Variants in VPS36 observed in about 807,000 individuals in gnomAD.
VPS36 encodes vacuolar protein-sorting-associated protein 36.
A neutral mutation model predicts 63.5 loss-of-function variants in VPS36; 31 were observed. That is an observed-to-expected ratio of 0.49 (90% CI 0.37 to 0.66). The LOEUF is 0.66. VPS36 is among the 30% of genes least tolerant of loss of function. VPS36 has a pLI of 0.00. For synonymous variants in VPS36, 138 were observed against 157.2 expected, an observed-to-expected ratio of 0.88 and a Z score of 0.91; for missense variants, 338 against 463.7, an observed-to-expected ratio of 0.73 and a Z score of 2.49.
intron 9 of VPS36, among the ~76,000 whole-genome samples, chr13:52,424,045 G>A (rs891960657): frequency 1.3e-5 from 2 of 151,734 alleles, no homozygotes; most frequent in Admixed American, 1.3e-4. Context: ...TTTTTAGTAG[G>A]GACAGGGTTT....
intron 6 of VPS36, among the ~76,000 whole-genome samples, chr13:52,428,063 C>A (rs1467794600): frequency 6.6e-6 from 1 of 152,032 alleles, no homozygotes; most frequent in Non-Finnish European, 1.5e-5. Context: ...AGATAATCAG[C>A]CTCTGATTAT....
intron 1 of VPS36, among the ~76,000 whole-genome samples, chr13:52,442,982 C>T (rs61959667): frequency 0.04 from 6,037 of 152,240 alleles, 138 homozygotes; most frequent in South Asian, 0.07. Context: ...CAATTGAATT[C>T]ATGTATAACA....
chr13:52,443,423 T>C (rs1436420409), intron 1 of VPS36, among the ~76,000 whole-genome samples: 2 of 152,004 alleles, frequency 1.3e-5, no homozygotes, highest in Non-Finnish European at 2.9e-5. Flanking sequence ...GGGACTAGTA[T>C]CCCTATAAGA....
At chr13:52,429,594 G>C (rs1482299502) in intron 6 of VPS36, among the ~76,000 whole-genome samples, 1 of 152,098 alleles carries the variant, frequency 6.6e-6, no homozygotes, top group African/African-American at 2.4e-5. Context: ...ACAAAGTAGG[G>C]AGGAATATCT....
intron 6 of VPS36, chr13:52,429,347 C>T (rs1273983025): frequency 1.0e-5 from 10 of 954,948 alleles, no homozygotes; most frequent in Admixed American, 6.2e-5. Flanking sequence ...CTGGGTTCTT[C>T]TTATCCATGC....
chr13:52,427,344 G>A, intron 6 of VPS36, 125 bp from the exon 7 acceptor site: 1 of 926,014 alleles, frequency 1.1e-6, no homozygotes, highest in Non-Finnish European at 1.7e-6. Flanking sequence ...AGTGGCTCAC[G>A]CCTATAATCC....
At chr13:52,435,633 T>C (rs528737450) in intron 4 of VPS36, among the ~76,000 whole-genome samples, 1 of 152,356 alleles carries the variant, frequency 6.6e-6, no homozygotes, top group African/African-American at 2.4e-5. Context: ...AACATACCTA[T>C]GCTCACAAAT....
Position 52,415,941 on chromosome 13 carries a change from A to G in VPS36, c.1068-18T>C, listed in dbSNP as rs1403505517. The G allele has an allele frequency of 6.2e-7, 1 of 1,613,246 alleles. No individual in the cohort carries two copies. The highest frequency in any genetic ancestry group is 1.3e-5 in the African/African-American group (1 of 74,778). Reference sequence around the variant, plus strand: ...GCAGCAACCTAAAAAAAAACAACAAAAAAACCCCCACACAATTATCTGTTC... The same window carrying G: ...GCAGCAACCTAAAAAAAAACAACAAGAAAACCCCCACACAATTATCTGTTC... On this transcript the variant is annotated intron_variant, in intron 13 of 13. Transcript: ENST00000378060.
chr13:52,436,161 A>T lies in VPS36; in HGVS notation c.351+129T>A, dbSNP rs1486105890. ...ATATAATAAAAATTTTATTGTAAAA[A>T]TATGGTGAAATCTGGTATGTTGTAT... On this transcript the variant is annotated intron_variant, in intron 4 of 13. Transcript: ENST00000378060. The T allele has an allele frequency of 7.1e-6, 4 of 567,204 alleles. No individual in the cohort carries two copies. In the Admixed American group the frequency reaches 9.5e-5, roughly 13 times the overall value. The allele number at this position is 567,204 out of a possible 1,614,324, so 35.1% of individuals were successfully genotyped here.
At position 52,436,218 on chromosome 13, in the gene VPS36, A is replaced by AACACACACACACACACACAC. The variant is rs150816705; in HGVS notation, c.351+52_351+71dup. ...ACCTTCCATCATATTAACAAGCCAC[A>AACACACACACACACACACAC]ACACACACACACACACACACACACA... On this transcript the variant is annotated intron_variant, in intron 4 of 13. Coordinates refer to ENST00000378060, the MANE Select transcript of VPS36 (RefSeq NM_016075.4). 4.4e-4 allele frequency: 285 copies of AACACACACACACACACACAC among 644,004 alleles called. 3 individuals are homozygous for AACACACACACACACACACAC. The highest frequency in any genetic ancestry group is 3.7e-3 in the African/African-American group (203 of 54,582). The allele number at this position is 644,004 out of a possible 1,614,324, so 39.9% of individuals were successfully genotyped here.
At chr13:52,426,947 G>A (rs779248850) in intron 8 of VPS36, 42 bp downstream of exon 8, 7 of 1,392,470 alleles carry the variant, frequency 5.0e-6, no homozygotes, top group Non-Finnish European at 7.1e-6. Flanking sequence ...ACTGCATTGT[G>A]TTATCTAGTT....
Position 52,449,872 on chromosome 13 carries a change from GAAAAC to G in VPS36, c.96+622_96+626del, listed in dbSNP as rs1958383142. On this transcript the variant is annotated intron_variant, in intron 1 of 13. Coordinates refer to ENST00000378060, the MANE Select transcript of VPS36 (RefSeq NM_016075.4). ...TCAGAACGCCTTTCTAAAGCAATTA[GAAAAC>G]AAAACAAAAACCCAATAGCCTTTGG... The G allele has an allele frequency of 3.1e-6, 3 of 971,774 alleles. No homozygotes were observed. The South Asian group carries it at 1.4e-4, about 46-fold the overall frequency. 60.2% of individuals were successfully genotyped at this position (971,774 alleles called of 1,614,324 possible).
chr13:52,423,338 G>A (rs1043614456), intron 10 of VPS36, among the ~76,000 whole-genome samples: 1 of 152,086 alleles, frequency 6.6e-6, no homozygotes, highest in African/African-American at 2.4e-5. Flanking sequence ...AAAAGAGGAA[G>A]AAGGAAAACT....
chr13:52,439,469 G>A (rs866206634), intron 2 of VPS36, among the ~76,000 whole-genome samples: 21 of 151,260 alleles, frequency 1.4e-4, no homozygotes, highest in African/African-American at 3.9e-4. Context: ...TTTTTGAGGC[G>A]GAGTCTCACT....
At chr13:52,437,929 C>CA (rs369189627) in intron 3 of VPS36, among the ~76,000 whole-genome samples, 5,825 of 126,852 alleles carry the variant, frequency 0.046, 134 homozygotes, top group South Asian at 0.078. Context: ...GACGCTGCCT[C>CA]AAAAAAAAAA....
chr13:52,444,281 C>T (rs953254241), intron 1 of VPS36, among the ~76,000 whole-genome samples: 1 of 151,868 alleles, frequency 6.6e-6, no homozygotes, highest in African/African-American at 2.4e-5. Flanking sequence ...TATGGTGAAA[C>T]CCCGTCTCTA....
chr13:52,417,074 C>T lies in VPS36; in HGVS notation c.973G>A (p.Ala325Thr). 6.2e-7 allele frequency: 1 copy of T among 1,613,974 alleles called. No homozygotes were observed. Among genetic ancestry groups the T allele is most frequent in the African/African-American group, 1.3e-5 (1 of 75,018 alleles). The change falls in exon 12 of 14, where the codon GCC (alanine) becomes ACC (threonine). Residue 325 changes from alanine (A) to threonine (T), a missense_variant. Coordinates refer to ENST00000378060, the MANE Select transcript of VPS36 (RefSeq NM_016075.4). Reference sequence around the variant, plus strand: ...TCACATACTGTCTCCAGGGCCGAGGCCACCATTTCCTCTTCCTTGTGAGAC... The same window carrying T: ...TCACATACTGTCTCCAGGGCCGAGGTCACCATTTCCTCTTCCTTGTGAGAC... The part of the protein sequence containing the change: ...LQSHKEEEMV[A>T]SALETVSEKG...
chr13:52,418,000 T>C lies in VPS36; in HGVS notation c.897A>G (p.Leu299=). The change falls in exon 11 of 14, where the codon TTA becomes TTG. Residue 299 remains leucine (L), a synonymous_variant. Coordinates refer to ENST00000378060, the MANE Select transcript of VPS36 (RefSeq NM_016075.4). ...TGCAGAGGTTCCTTTACCTGAGAGG[T>C]AATTTCAGTGCTTCCAGCATCTTGC... is the stretch of plus-strand genomic sequence containing the variant. The part of the protein sequence containing the change: ...NACKMLEALK[L]PLRLRVFDSG... The C allele has an allele frequency of 6.2e-7, 1 of 1,610,958 alleles. No homozygotes were observed. The highest frequency in any genetic ancestry group is 8.5e-7 in the Non-Finnish European group (1 of 1,178,640).
intron 6 of VPS36, among the ~76,000 whole-genome samples, chr13:52,432,219 C>T (rs191695907): frequency 1.5e-3 from 222 of 151,910 alleles, no homozygotes; most frequent in African/African-American, 5.1e-3. Context: ...GGTTTGGTGG[C>T]GGGCGCCTAT....
Sources: allele counts gnomAD v4.1 joint callset (sites outside exome capture counted in the v4.1 genomes callset), GRCh38; gene constraint gnomAD v4.1.1; transcripts MANE v1.5; gene names NCBI Gene and HGNC (gene_info 2026-07-23, HGNC 2026-07-21).